Variants in CNTNAP2 observed in about 807,000 individuals in gnomAD.
CNTNAP2 encodes contactin-associated protein-like 2.
A neutral mutation model predicts 155.2 loss-of-function variants in CNTNAP2; 98 were observed. The observed-to-expected ratio is 0.63, with a 90% CI of 0.54 to 0.75. The LOEUF is 0.75. Ranked by LOEUF, CNTNAP2 falls within the 30% of genes least tolerant of loss-of-function variation. The pLI is 0.00. For missense variants in CNTNAP2, 1,727 were observed against 1,688.1 expected (o/e 1.02, Z -0.40); for synonymous variants, 651 against 631.2 (o/e 1.03, Z -0.47).
chr7:148,167,850 A>G (rs1319250152), intron 17 of CNTNAP2, among the ~76,000 whole-genome samples: 2 of 152,230 alleles, frequency 1.3e-5, no homozygotes, highest in African/African-American at 4.8e-5. Flanking sequence ...AAGACCCAAG[A>G]ATCAAGACAG....
intron 1 of CNTNAP2, among the ~76,000 whole-genome samples, chr7:146,263,044 C>T (rs1037830735): frequency 1.3e-5 from 2 of 152,042 alleles, no homozygotes; most frequent in African/African-American, 4.8e-5. Flanking sequence ...TTTGGCCAGG[C>T]GTGGTGGCTC....
At chr7:146,440,961 G>A (rs546308001) in intron 1 of CNTNAP2, among the ~76,000 whole-genome samples, 1 of 151,622 alleles carries the variant, frequency 6.6e-6, no homozygotes, top group South Asian at 2.1e-4. Context: ...ATGTCACACA[G>A]TTCATTCTTG....
At chr7:147,696,826 A>G (rs2116999183) in intron 13 of CNTNAP2, among the ~76,000 whole-genome samples, 1 of 151,788 alleles carries the variant, frequency 6.6e-6, no homozygotes, top group African/African-American at 2.4e-5. Context: ...TGAATATTTA[A>G]CTCTACTCTC....
chr7:146,557,097 A>G (rs1305689437), intron 1 of CNTNAP2, among the ~76,000 whole-genome samples: 1 of 152,122 alleles, frequency 6.6e-6, no homozygotes, highest in Non-Finnish European at 1.5e-5. Context: ...GTTGTACGTA[A>G]TAATGATTAT....
intron 21 of CNTNAP2, among the ~76,000 whole-genome samples, chr7:148,322,369 C>T (rs1019764121): frequency 3.3e-5 from 5 of 152,150 alleles, no homozygotes; most frequent in African/African-American, 1.2e-4. Flanking sequence ...ACTCGAGAAA[C>T]AAGTGTAATA....
At position 148,416,803 on chromosome 7, in the gene CNTNAP2, G is replaced by A. The variant is rs2530312; in HGVS notation, c.*1187G>A. Reference sequence around the variant, plus strand: ...TGTGATTCAGGGATCTTTCTTCTAAGACGGACACATTTGAACCTCAGGTTC... The same window carrying A: ...TGTGATTCAGGGATCTTTCTTCTAAAACGGACACATTTGAACCTCAGGTTC... On this transcript the variant is annotated 3_prime_UTR_variant, in exon 24 of 24. Coordinates refer to ENST00000361727, the MANE Select transcript of CNTNAP2 (RefSeq NM_014141.6). 0.35 allele frequency: 52,968 copies of A among 152,602 alleles called. 11,114 individuals carry two copies. The highest frequency in any genetic ancestry group is 0.63 in the East Asian group (3,247 of 5,178). The allele number at this position is 152,602 out of a possible 1,614,324, so 9.5% of individuals were successfully genotyped here. A position where few individuals can be genotyped will look rare whatever the true frequency, so the allele number is the denominator to read the frequency against.
At chr7:146,541,998 C>T (rs970400739) in intron 1 of CNTNAP2, among the ~76,000 whole-genome samples, 2 of 151,898 alleles carry the variant, frequency 1.3e-5, no homozygotes, top group African/African-American at 4.8e-5. Context: ...TTATTTTAAT[C>T]TAGCCATGAA....
chr7:146,936,381 G>A (rs1019950548), intron 3 of CNTNAP2, among the ~76,000 whole-genome samples: 2 of 152,120 alleles, frequency 1.3e-5, no homozygotes, highest in African/African-American at 4.8e-5. Flanking sequence ...TGTATAAGGA[G>A]GTACCATCTA....
At chr7:146,287,970 T>A (rs571525352) in intron 1 of CNTNAP2, among the ~76,000 whole-genome samples, 37 of 152,286 alleles carry the variant, frequency 2.4e-4, no homozygotes, top group African/African-American at 8.4e-4. Context: ...TTTTCTCTTA[T>A]GTCTTAAAAT....
chr7:146,468,435 A>C (rs1796746823), intron 1 of CNTNAP2, among the ~76,000 whole-genome samples: 1 of 151,596 alleles, frequency 6.6e-6, no homozygotes, highest in Admixed American at 6.6e-5. Context: ...CTAAAATCAA[A>C]GTCAGGAAGA....
intron 17 of CNTNAP2, among the ~76,000 whole-genome samples, chr7:148,151,225 T>C (rs1013959730): frequency 6.6e-6 from 1 of 152,104 alleles, no homozygotes; most frequent in African/African-American, 2.4e-5. Context: ...CACCACAGTA[T>C]TAAATGAGAT....
chr7:146,202,749 A>G (rs1446964928), intron 1 of CNTNAP2, among the ~76,000 whole-genome samples: 1 of 152,162 alleles, frequency 6.6e-6, no homozygotes, highest in Non-Finnish European at 1.5e-5. Flanking sequence ...GGTTAATTCT[A>G]TTATCATATA....
chr7:146,937,196 G>A (rs1202965726), intron 3 of CNTNAP2, among the ~76,000 whole-genome samples: 3 of 151,680 alleles, frequency 2.0e-5, no homozygotes, highest in East Asian at 3.9e-4. Flanking sequence ...GACCATCCTG[G>A]CTAACACAGT....
chr7:147,150,422 A>G (rs914080496), intron 8 of CNTNAP2, among the ~76,000 whole-genome samples: 7 of 152,204 alleles, frequency 4.6e-5, no homozygotes, highest in African/African-American at 1.7e-4. Context: ...TGTAGAGTAG[A>G]GTATAGTTCA....
intron 13 of CNTNAP2, among the ~76,000 whole-genome samples, chr7:147,691,245 G>A (rs2116991952): frequency 6.6e-6 from 1 of 152,192 alleles, no homozygotes; most frequent in East Asian, 1.9e-4. Flanking sequence ...TGTAATGACT[G>A]TAGGCACAAC....
In CNTNAP2 at chr7:147,651,188, G is replaced by A. The variant is rs191342430; in HGVS notation, c.2098+11882G>A. On this transcript the variant is annotated intron_variant, in intron 13 of 23. Transcript: ENST00000361727. ...ACAGCGGGGCCTGGCAAGGCAAGTC[G>A]GAAGCTGGGGCACACTATCAGGAAG... Among the ~76,000 whole-genome samples, 289 of 152,260 alleles carry A rather than the reference G, an allele frequency of 1.9e-3. 2 individuals carry two copies. The highest frequency in any genetic ancestry group is 6.3e-3 in the African/African-American group (263 of 41,562).
intron 5 of CNTNAP2, among the ~76,000 whole-genome samples, 161 bp downstream of exon 5, chr7:147,108,511 G>T (rs758382218): frequency 2.6e-4 from 40 of 152,080 alleles, no homozygotes; most frequent in Non-Finnish European, 5.0e-4. Context: ...GAAACACCTA[G>T]TCATTCAAAA....
chr7:147,599,941 T>A (rs1800912298), intron 12 of CNTNAP2, among the ~76,000 whole-genome samples: 1 of 152,250 alleles, frequency 6.6e-6, no homozygotes, highest in Non-Finnish European at 1.5e-5. Flanking sequence ...TTCAGTTATA[T>A]CAGGTAATAC....
chr7:147,343,689 A>T (rs1011870346), intron 9 of CNTNAP2, among the ~76,000 whole-genome samples: 1 of 152,186 alleles, frequency 6.6e-6, no homozygotes, highest in Non-Finnish European at 1.5e-5. Flanking sequence ...GATAATACTG[A>T]TCTTGGACCT....
Sources: gnomAD v4.1 joint callset for allele counts (sites outside exome capture counted in the v4.1 genomes callset) on GRCh38, gnomAD v4.1.1 for gene constraint, MANE v1.5 for transcripts, NCBI Gene and HGNC (gene_info 2026-07-23, HGNC 2026-07-21) for gene names.